Variants in TRPC4AP observed in about 807,000 individuals in gnomAD.
TRPC4AP encodes short transient receptor potential channel 4-associated protein.
A neutral mutation model predicts 99.0 loss-of-function variants in TRPC4AP; 45 were observed. The ratio of observed to expected loss-of-function variants is 0.45; its 90% CI spans 0.36 to 0.58. TRPC4AP has a LOEUF of 0.58. Among genes scored for constraint, TRPC4AP ranks in the 20% least tolerant of loss-of-function variants. The pLI is 0.00. For missense variants in TRPC4AP, 879 were observed against 985.3 expected (o/e 0.89, Z 1.44); for synonymous variants, 408 against 385.8 (o/e 1.06, Z -0.67).
chr20:35,081,065 A>G (rs553813985), intron 1 of TRPC4AP, among the ~76,000 whole-genome samples: 5 of 152,338 alleles, frequency 3.3e-5, no homozygotes, highest in African/African-American at 1.2e-4. Flanking sequence ...ATCATGCCTC[A>G]ATAAAGTTGT....
Position 35,044,614 on chromosome 20 carries a change from G to A in TRPC4AP, c.756C>T (p.Thr252=). ...CATTCCCTGTATCCATCTCTGAAAT[G>A]GTGACAGCCAGAATCCGGCAGAAAT... ...LANFCRILAV[T]ISEMDTGNDD... Residue 252 remains threonine (T), a synonymous_variant, in exon 7 of 19, where the codon ACC becomes ACT. Coordinates refer to ENST00000252015, the MANE Select transcript of TRPC4AP (RefSeq NM_015638.3). 6.2e-7 allele frequency: 1 copy of A among 1,614,130 alleles called. No individual in the cohort carries two copies. The highest frequency in any genetic ancestry group is 8.5e-7 in the Non-Finnish European group (1 of 1,180,022).
chr20:35,023,116 G>A (rs532113593), intron 8 of TRPC4AP, among the ~76,000 whole-genome samples: 1 of 152,200 alleles, frequency 6.6e-6, no homozygotes, highest in East Asian at 1.9e-4. Context: ...AACCTTGGAA[G>A]ACGACAAGCT....
Position 35,016,120 on chromosome 20 carries a change from T to A in TRPC4AP, c.1238A>T (p.Glu413Val), listed in dbSNP as rs1360796855. The A allele has an allele frequency of 6.2e-7, 1 of 1,614,090 alleles. No homozygotes were observed. The highest frequency in any genetic ancestry group is 8.5e-7 in the Non-Finnish European group (1 of 1,180,050). ...QRNQVHRMIA[E>V]FKLIPGLNNL... is the part of the protein sequence containing the mutation. ...ATTAAGTCCAGGGATCAGCTTGAAC[T>A]CTGCAATCATTCTGTGAACCTGAAT... Residue 413 changes from glutamate to valine, a missense_variant, in exon 10 of 19, where the codon GAG (glutamate) becomes GTG (valine). This residue lies in a region of TRPC4AP where 603 missense variants were observed against 631.8 expected (regional missense o/e 0.95). Transcript: ENST00000252015.
intron 6 of TRPC4AP, among the ~76,000 whole-genome samples, chr20:35,048,377 A>G (rs2083610866): frequency 1.3e-5 from 2 of 151,986 alleles, no homozygotes; most frequent in Admixed American, 1.3e-4. Flanking sequence ...ATGCCTGGCT[A>G]ATTTTTGTAT....
At chr20:35,030,943 C>T (rs1203226021) in intron 8 of TRPC4AP, among the ~76,000 whole-genome samples, 1 of 152,228 alleles carries the variant, frequency 6.6e-6, no homozygotes, top group Non-Finnish European at 1.5e-5. Flanking sequence ...TGGTATTTCT[C>T]ATAAGTCGGT....
At chr20:35,019,334 T>C (rs770141732) in intron 9 of TRPC4AP, among the ~76,000 whole-genome samples, 5 of 152,212 alleles carry the variant, frequency 3.3e-5, no homozygotes, top group Non-Finnish European at 5.9e-5. Context: ...GAACCAGCAC[T>C]GTAATCATAC....
chr20:35,092,563 C>CCCCA, intron 1 of TRPC4AP, 51 bp downstream of exon 1: 1 of 1,386,208 alleles, frequency 7.2e-7, no homozygotes, highest in Non-Finnish European at 9.4e-7. Context: ...GGCCCCCCGC[C>CCCCA]AGCTCCCGCC....
At chr20:35,053,480 T>C (rs1429894409) in intron 5 of TRPC4AP, among the ~76,000 whole-genome samples, 1 of 152,244 alleles carries the variant, frequency 6.6e-6, no homozygotes, top group Non-Finnish European at 1.5e-5. Context: ...TGTCTTCTTC[T>C]ATAAGGACAA....
At chr20:35,003,873 C>A (rs2082454072) in intron 17 of TRPC4AP, among the ~76,000 whole-genome samples, 1 of 152,212 alleles carries the variant, frequency 6.6e-6, no homozygotes. Flanking sequence ...CTGTCCAGAC[C>A]TGGGCTCAAG....
intron 9 of TRPC4AP, among the ~76,000 whole-genome samples, chr20:35,016,454 T>A (rs895435664): frequency 3.9e-5 from 6 of 152,226 alleles, no homozygotes; most frequent in African/African-American, 1.4e-4. Flanking sequence ...GCAAGAGTCC[T>A]GGGTTTGACT....
intron 11 of TRPC4AP, among the ~76,000 whole-genome samples, chr20:35,011,318 A>G (rs1300294118): frequency 6.6e-6 from 1 of 152,202 alleles, no homozygotes; most frequent in Non-Finnish European, 1.5e-5. Flanking sequence ...CTCCTAGCTT[A>G]GCCTAGCCTA....
chr20:35,059,217 C>T (rs537604538), intron 3 of TRPC4AP, among the ~76,000 whole-genome samples: 5 of 152,148 alleles, frequency 3.3e-5, no homozygotes, highest in African/African-American at 1.2e-4. Context: ...TTACTATACT[C>T]AGAAATAAAG....
intron 12 of TRPC4AP, among the ~76,000 whole-genome samples, chr20:35,009,467 C>A (rs1348584979): frequency 3.6e-5 from 5 of 140,464 alleles, no homozygotes; most frequent in Admixed American, 3.1e-4. Flanking sequence ...CATAGTGAGA[C>A]CCCATCTCTA....
At chr20:35,083,748 T>A (rs1415105126) in intron 1 of TRPC4AP, among the ~76,000 whole-genome samples, 1 of 151,592 alleles carries the variant, frequency 6.6e-6, no homozygotes, top group African/African-American at 2.4e-5. Flanking sequence ...CCATGTACTC[T>A]TTCTTGGGAG....
At chr20:35,078,881 C>T (rs950034798) in intron 1 of TRPC4AP, among the ~76,000 whole-genome samples, 6 of 152,146 alleles carry the variant, frequency 3.9e-5, no homozygotes, top group African/African-American at 7.2e-5. Context: ...GCCTGGCTAA[C>T]GTGATAAAAC....
intron 13 of TRPC4AP, 82 bp downstream of exon 13, chr20:35,008,582 T>C (rs1226585183): frequency 5.8e-6 from 7 of 1,212,576 alleles, no homozygotes; most frequent in Non-Finnish European, 4.8e-6. Flanking sequence ...CGCTGGTGAC[T>C]AAAGGAGGTA....
intron 1 of TRPC4AP, among the ~76,000 whole-genome samples, chr20:35,089,998 T>C (rs1026762839): frequency 2.0e-5 from 3 of 151,580 alleles, no homozygotes; most frequent in Non-Finnish European, 4.4e-5. Flanking sequence ...CACACGCCTG[T>C]AGTCCCAGCT....
chr20:35,005,890 C>A, intron 15 of TRPC4AP, 87 bp from the exon 16 acceptor site: 1 of 1,183,024 alleles, frequency 8.5e-7, no homozygotes, highest in South Asian at 1.3e-5. Flanking sequence ...CAAGGGGCAT[C>A]AGCGACCTCT....
intron 7 of TRPC4AP, 45 bp downstream of exon 7, chr20:35,044,460 C>A: frequency 1.3e-6 from 2 of 1,546,982 alleles, no homozygotes; most frequent in Non-Finnish European, 8.9e-7. Flanking sequence ...TTAGTAAGGG[C>A]CTCAGAGCTA....
Sources: allele counts gnomAD v4.1 joint callset (sites outside exome capture counted in the v4.1 genomes callset), GRCh38; gene constraint gnomAD v4.1.1; regional missense constraint gnomAD v4.1.1; transcripts MANE v1.5; gene names NCBI Gene and HGNC (gene_info 2026-07-23, HGNC 2026-07-21).